ANKRD44: variants seen among roughly 807,000 people sequenced by gnomAD.
The protein encoded by ANKRD44 is ankyrin repeat domain 44.
Under a neutral mutation model 116.0 loss-of-function variants are expected in ANKRD44, and 35 were observed. That is an observed-to-expected ratio of 0.30 (90% CI 0.23 to 0.40). The LOEUF (loss-of-function observed/expected upper bound fraction) is 0.40. Ranked by LOEUF, ANKRD44 falls within the 10% of genes least tolerant of loss-of-function variation. The pLI is 1.00. For synonymous variants in ANKRD44, 435 were observed against 461.8 expected, an observed-to-expected ratio of 0.94 and a Z score of 0.74; for missense variants, 1,014 against 1,242.6, an observed-to-expected ratio of 0.82 and a Z score of 2.77.
intron 1 of ANKRD44, among the ~76,000 whole-genome samples, chr2:197,189,466 C>T (rs965674601): frequency 2.6e-5 from 4 of 152,208 alleles, no homozygotes; most frequent in African/African-American, 7.2e-5. Flanking sequence ...TTCCACACTC[C>T]CCCTAACTAC....
rs1247319434 is a variant in ANKRD44 at position 196,995,372 on chromosome 2, C to T, written c.2831+7G>A. On this transcript the variant is annotated splice_region_variant and intron_variant, in intron 26 of 27. Transcript: ENST00000282272. ...GGTTCAAGTCCAACTTTAGTAGTTA[C>T]ACTTACGTCTGCAGTGCATTATTTT... is the stretch of plus-strand genomic sequence containing the variant. 1 of 1,602,100 alleles carries T rather than the reference C, an allele frequency of 6.2e-7. No individual in the cohort carries two copies. The highest frequency in any genetic ancestry group is 8.5e-7 in the Non-Finnish European group (1 of 1,171,074).
At chr2:197,221,418 C>T (rs2081583929) in intron 1 of ANKRD44, among the ~76,000 whole-genome samples, 1 of 152,172 alleles carries the variant, frequency 6.6e-6, no homozygotes, top group Admixed American at 6.5e-5. Context: ...GCTGAGACTA[C>T]AGGCACATAC....
intron 1 of ANKRD44, among the ~76,000 whole-genome samples, chr2:197,280,885 T>C (rs1014479830): frequency 5.3e-5 from 8 of 152,212 alleles, no homozygotes; most frequent in African/African-American, 1.9e-4. Context: ...AACTAAGATG[T>C]TGTTTGTCTT....
In ANKRD44 at chr2:197,152,141, C is replaced by G. The variant is rs529831383; in HGVS notation, c.112-5036G>C. On this transcript the variant is annotated intron_variant, in intron 2 of 27. Transcript: ENST00000282272. ...CTGGATCAAAATTGGAATCCAGTAC[C>G]AGGACAGGACCAGAGCAGCATTAAC... Among the ~76,000 whole-genome samples, 96 of 152,316 alleles carry G rather than the reference C, an allele frequency of 6.3e-4. 1 individual carries two copies. The highest frequency in any genetic ancestry group is 6.0e-4 in the Non-Finnish European group (41 of 68,036).
intron 21 of ANKRD44, among the ~76,000 whole-genome samples, chr2:197,004,333 A>G (rs2076165659): frequency 6.6e-6 from 1 of 152,198 alleles, no homozygotes; most frequent in African/African-American, 2.4e-5. Flanking sequence ...AAGTGGAAAA[A>G]AACATCCTAA....
chr2:196,982,925 G>A (rs1266502951), downstream of ANKRD44, among the ~76,000 whole-genome samples: 1 of 152,100 alleles, frequency 6.6e-6, no homozygotes, highest in Non-Finnish European at 1.5e-5. Flanking sequence ...ACTAACACAG[G>A]AACAGAAAAT....
At position 197,151,247 on chromosome 2, in the gene ANKRD44, T is replaced by A. The variant is rs2079641834; in HGVS notation, c.112-4142A>T. Among the ~76,000 whole-genome samples the A allele has an allele frequency of 2.6e-5, 4 of 151,882 alleles. No individual in the cohort carries two copies. The South Asian group carries it at 8.3e-4, about 32-fold the overall frequency. On this transcript the variant is annotated intron_variant, in intron 2 of 27. Transcript: ENST00000282272. ...CAACCTGGGACACCCACAGATTAAA[T>A]CTCCATTGAAAATGAACTCACAAGC... is the stretch of plus-strand genomic sequence containing the variant.
intron 16 of ANKRD44, among the ~76,000 whole-genome samples, chr2:197,032,140 C>T (rs996909630): frequency 6.6e-6 from 1 of 151,964 alleles, no homozygotes; most frequent in African/African-American, 2.4e-5. Flanking sequence ...TGTTCCAGGA[C>T]AATAGTTATA....
chr2:197,269,840 C>G (rs571762360), intron 1 of ANKRD44, among the ~76,000 whole-genome samples: 19 of 152,254 alleles, frequency 1.2e-4, no homozygotes, highest in African/African-American at 4.6e-4. Flanking sequence ...TAAGCTGGAA[C>G]TCAAAGAACA....
chr2:197,127,871 C>A (rs149027953), intron 4 of ANKRD44, among the ~76,000 whole-genome samples: 5 of 152,224 alleles, frequency 3.3e-5, no homozygotes, highest in Non-Finnish European at 7.4e-5. Context: ...TCACATGTCC[C>A]TCTGTTCTCA....
intron 1 of ANKRD44, among the ~76,000 whole-genome samples, chr2:197,273,980 A>AAAATATAT (rs1553546147): frequency 2.3e-5 from 1 of 43,926 alleles, no homozygotes; most frequent in Non-Finnish European, 3.9e-5. Flanking sequence ...AAAAAAAAAA[A>AAAATATAT]ATATATATAT....
intron 1 of ANKRD44, among the ~76,000 whole-genome samples, chr2:197,306,959 T>C (rs1188276642): frequency 3.3e-5 from 5 of 151,826 alleles, no homozygotes; most frequent in Non-Finnish European, 7.4e-5. Context: ...GTAAGAATAG[T>C]GGACACTTTA....
At chr2:197,088,938 T>C (rs957671088) in intron 11 of ANKRD44, 164 bp from the exon 12 acceptor site, 28 of 574,250 alleles carry the variant, frequency 4.9e-5, no homozygotes, top group Non-Finnish European at 6.6e-5. Flanking sequence ...GAATGGGAAC[T>C]GCTCAAGCTT....
chr2:197,100,556 A>G (rs1416795983), intron 9 of ANKRD44, among the ~76,000 whole-genome samples: 2 of 152,260 alleles, frequency 1.3e-5, no homozygotes, highest in Non-Finnish European at 2.9e-5. Context: ...ATGTATTCAA[A>G]TCCCATAAAG....
downstream of ANKRD44, among the ~76,000 whole-genome samples, chr2:196,984,693 T>C (rs140107951): frequency 2.0e-5 from 3 of 152,308 alleles, no homozygotes; most frequent in East Asian, 5.8e-4. Flanking sequence ...ATTTCTCTGC[T>C]TATGAGAACA....
In ANKRD44 at chr2:197,000,462, C is replaced by T; in HGVS notation, c.2476G>A (p.Ala826Thr). Residue 826 changes from alanine (A) to threonine (T), a missense_variant, in exon 23 of 28, where the codon GCC becomes ACC. Transcript: ENST00000282272. ...HGNCASLLLG[A>T]IDSSIVSCRD... is the part of the protein sequence containing the mutation. ...CAACTGACGATACTGGAATCTATGG[C>T]CCCAAGCAGCAATGATGCACAATTC... The T allele has an allele frequency of 6.2e-7, 1 of 1,614,034 alleles. No homozygotes were observed. Among genetic ancestry groups the T allele is most frequent in the Non-Finnish European group, 8.5e-7 (1 of 1,179,982 alleles).
intron 1 of ANKRD44, among the ~76,000 whole-genome samples, chr2:197,295,537 G>C (rs1466488315): frequency 6.6e-6 from 1 of 152,168 alleles, no homozygotes; most frequent in Non-Finnish European, 1.5e-5. Flanking sequence ...ATTTAAAGCA[G>C]GCAGCAGGCC....
At chr2:197,044,042 A>T (rs1000140496) in intron 16 of ANKRD44, among the ~76,000 whole-genome samples, 2 of 152,196 alleles carry the variant, frequency 1.3e-5, no homozygotes, top group Non-Finnish European at 2.9e-5. Flanking sequence ...TAAAATAACA[A>T]ATTCAATTTG....
intron 1 of ANKRD44, 66 bp from the exon 2 acceptor site, chr2:197,187,172 T>C (rs1478304749): frequency 2.4e-5 from 35 of 1,462,660 alleles, no homozygotes; most frequent in Admixed American, 5.1e-5. Flanking sequence ...CAGATGCAGA[T>C]GGTGAGAAGA....
Sources: allele counts gnomAD v4.1 joint callset (sites outside exome capture counted in the v4.1 genomes callset), GRCh38; gene constraint gnomAD v4.1.1; transcripts MANE v1.5; gene names NCBI Gene and HGNC (gene_info 2026-07-23, HGNC 2026-07-21).